Variants in FCHSD2 observed in about 807,000 individuals in gnomAD.
FCHSD2 encodes the protein FCH and double SH3 domains 2, also known as F-BAR and double SH3 domains protein 2.
Under a neutral mutation model 108.1 loss-of-function variants are expected in FCHSD2, and 38 were observed. The observed-to-expected ratio is 0.35, with a 90% CI of 0.27 to 0.46. The LOEUF is 0.46. FCHSD2 is among the 20% of genes least tolerant of loss of function. The probability of loss-of-function intolerance (pLI) is 1.00; values close to 1 mark genes in which losing one functional copy is unlikely to be tolerated. For synonymous variants in FCHSD2, 279 were observed against 314.7 expected, an observed-to-expected ratio of 0.89 and a Z score of 1.20; for missense variants, 751 against 897.8, an observed-to-expected ratio of 0.84 and a Z score of 2.09.
intron 2 of FCHSD2, 93 bp from the exon 3 acceptor site, chr11:73,083,833 A>C (rs1859753908): frequency 1.2e-6 from 1 of 804,976 alleles, no homozygotes; most frequent in Non-Finnish European, 2.1e-6. Flanking sequence ...CCTGGTTAAG[A>C]TATGTGAGGG....
intron 8 of FCHSD2, among the ~76,000 whole-genome samples, chr11:72,923,888 G>A (rs888500941): frequency 1.3e-5 from 2 of 152,130 alleles, no homozygotes; most frequent in South Asian, 2.1e-4. Flanking sequence ...GCAGTAAGCC[G>A]AGTTTGTGCT....
intron 8 of FCHSD2, among the ~76,000 whole-genome samples, chr11:72,930,037 T>C (rs192962601): frequency 3.4e-4 from 52 of 152,296 alleles, no homozygotes; most frequent in African/African-American, 1.3e-3. Context: ...TTTATCTTAA[T>C]TGGGTCACCT....
chr11:73,134,867 C>A (rs987444025), intron 2 of FCHSD2, among the ~76,000 whole-genome samples: 1 of 152,034 alleles, frequency 6.6e-6, no homozygotes, highest in African/African-American at 2.4e-5. Flanking sequence ...TTTTTTGAGA[C>A]AGAGTCTAGC....
Position 73,107,051 on chromosome 11 carries a change from A to T in FCHSD2, c.120-23311T>A, listed in dbSNP as rs535073098. 5.9e-4 allele frequency among the ~76,000 whole-genome samples: 90 copies of T among 151,904 alleles called. 1 individual carries two copies. The South Asian group carries it at 6.6e-3, about 11-fold the overall frequency. ...TTAGAAAAGCTATATATATATATAT[A>T]TTTTTAAATGGAGTCTCACTCTGTC... On this transcript the variant is annotated intron_variant, in intron 2 of 19. Transcript: ENST00000409418.
At chr11:72,858,534 G>A (rs192967860) in intron 13 of FCHSD2, among the ~76,000 whole-genome samples, 37 of 152,246 alleles carry the variant, frequency 2.4e-4, no homozygotes, top group African/African-American at 7.2e-4. Context: ...ACCAAATACC[G>A]CAAATTCTCA....
chr11:73,077,750 G>T, intron 3 of FCHSD2: 2 of 296,142 alleles, frequency 6.8e-6, no homozygotes, highest in Non-Finnish European at 1.3e-5. Flanking sequence ...AAATGAAGAA[G>T]CCAGCTGGGA....
chr11:73,092,063 T>C (rs1368923380), intron 2 of FCHSD2, among the ~76,000 whole-genome samples: 1 of 152,128 alleles, frequency 6.6e-6, no homozygotes, highest in East Asian at 1.9e-4. Context: ...GCTGAAAGTA[T>C]GATCTCATCT....
At chr11:72,847,341 C>T (rs1861173651) in intron 14 of FCHSD2, among the ~76,000 whole-genome samples, 1 of 152,180 alleles carries the variant, frequency 6.6e-6, no homozygotes, top group Non-Finnish European at 1.5e-5. Flanking sequence ...AGAATGAGGT[C>T]AAGGGAAGGA....
chr11:73,056,297 G>A (rs1217290089), intron 3 of FCHSD2, among the ~76,000 whole-genome samples: 2 of 152,162 alleles, frequency 1.3e-5, no homozygotes, highest in Non-Finnish European at 2.9e-5. Flanking sequence ...TAAAGAGATG[G>A]TCTCCATCTT....
At chr11:72,936,194 G>T (rs568929519) in intron 8 of FCHSD2, among the ~76,000 whole-genome samples, 1 of 152,182 alleles carries the variant, frequency 6.6e-6, no homozygotes, top group East Asian at 1.9e-4. Flanking sequence ...AAAATAATAG[G>T]GCTTAACCAT....
In FCHSD2 at chr11:72,842,795, A is replaced by G. The variant is rs768378654; in HGVS notation, c.1752T>C (p.Asp584=). ...TTGCTCCCTCAGGAAAAGATAACTC[A>G]TCATCTGTCTGGCCCTCATAATCAT... ...ALYDYEGQTD[D]ELSFPEGAII... is the part of the protein sequence containing the mutation. Residue 584 remains aspartate (D), a synonymous_variant, in exon 17 of 20, where the codon GAT becomes GAC. Coordinates refer to ENST00000409418, the MANE Select transcript of FCHSD2 (RefSeq NM_014824.3). The G allele has an allele frequency of 6.2e-6, 10 of 1,613,868 alleles. No individual in the cohort carries two copies. In the African/African-American group the frequency reaches 1.2e-4, roughly 19 times the overall value.
chr11:72,919,212 A>G (rs1222861860), intron 9 of FCHSD2, among the ~76,000 whole-genome samples: 1 of 152,184 alleles, frequency 6.6e-6, no homozygotes, highest in Non-Finnish European at 1.5e-5. Context: ...CATAACAGAA[A>G]AACACATGGC....
At chr11:72,887,350 T>C (rs1424182525) in intron 12 of FCHSD2, 120 bp downstream of exon 12, 1 of 664,220 alleles carries the variant, frequency 1.5e-6, no homozygotes, top group Non-Finnish European at 2.6e-6. Context: ...TGGACACGAA[T>C]GAAGACGGTG....
At chr11:73,083,379 T>A (rs1859741650) in intron 3 of FCHSD2, among the ~76,000 whole-genome samples, 1 of 151,994 alleles carries the variant, frequency 6.6e-6, no homozygotes, top group South Asian at 2.1e-4. Context: ...TGAAACCCTG[T>A]CTCTACTAAA....
chr11:72,970,835 C>T (rs1017140255), intron 8 of FCHSD2, among the ~76,000 whole-genome samples: 11 of 152,120 alleles, frequency 7.2e-5, no homozygotes, highest in African/African-American at 2.4e-4. Context: ...AAAACATACC[C>T]CTAACCCCCA....
At chr11:73,002,732 C>T (rs543437999) in intron 4 of FCHSD2, among the ~76,000 whole-genome samples, 49 of 152,188 alleles carry the variant, frequency 3.2e-4, no homozygotes, top group African/African-American at 1.2e-3. Context: ...AGCTGTTTGC[C>T]CTTCCAGTCT....
chr11:72,888,203 T>C (rs564370520), intron 11 of FCHSD2, among the ~76,000 whole-genome samples: 151 of 152,290 alleles, frequency 9.9e-4, no homozygotes, highest in Admixed American at 2.0e-3. Context: ...AATCTAGGTA[T>C]GGCCAGAAAG....
At chr11:72,908,490 T>C (rs1391321806) in intron 9 of FCHSD2, among the ~76,000 whole-genome samples, 1 of 152,210 alleles carries the variant, frequency 6.6e-6, no homozygotes, top group African/African-American at 2.4e-5. Flanking sequence ...CTAATTTACA[T>C]TCCCAGCAAC....
At chr11:72,999,519 C>T in intron 5 of FCHSD2, among the ~76,000 whole-genome samples, 1 of 151,834 alleles carries the variant, frequency 6.6e-6, no homozygotes, top group East Asian at 1.9e-4. Context: ...GGGGTTTCAC[C>T]ATATTGGTCA....
Sources: gnomAD v4.1 joint callset for allele counts (sites outside exome capture counted in the v4.1 genomes callset) on GRCh38, gnomAD v4.1.1 for gene constraint, MANE v1.5 for transcripts, NCBI Gene and HGNC (gene_info 2026-07-23, HGNC 2026-07-21) for gene names.